The following PIK3C2A variants were observed in gnomAD, a reference collection of about 807,000 sequenced individuals.
PIK3C2A encodes phosphatidylinositol 4-phosphate 3-kinase C2 domain-containing subunit alpha.
In PIK3C2A, 97 loss-of-function variants were observed where a neutral mutation model predicts 204.5. That is an observed-to-expected ratio of 0.47 (90% CI 0.40 to 0.56). The LOEUF (loss-of-function observed/expected upper bound fraction) is 0.56, where lower values mean the gene tolerates loss of function less well. Ranked by LOEUF, PIK3C2A falls within the 20% of genes least tolerant of loss-of-function variation. PIK3C2A has a pLI of 0.00. For missense variants in PIK3C2A, 1,735 were observed against 1,969.2 expected (o/e 0.88, Z 2.25); for synonymous variants, 653 against 664.4 (o/e 0.98, Z 0.26).
In PIK3C2A at chr11:17,134,885, G is replaced by C; in HGVS notation, c.2042C>G (p.Thr681Ser). The C allele has an allele frequency of 1.2e-6, 2 of 1,614,130 alleles. No homozygotes were observed. The highest frequency in any genetic ancestry group is 1.7e-6 in the Non-Finnish European group (2 of 1,179,998). The change falls in exon 11 of 33, where the codon ACT becomes AGT. Residue 681 changes from threonine to serine, a missense_variant. Around this residue, in one of 6 missense-constraint regions of PIK3C2A, gnomAD observed 567 missense variants for 576.0 expected, o/e 0.98. Coordinates refer to ENST00000691414, the MANE Select transcript of PIK3C2A (RefSeq NM_002645.4). ...QSSKSVKEAW[T>S]TTEQLQFTIF... ...AGTAAACTGGAGCTGCTCTGTTGTA[G>C]TCCATGCTTCCTTGACACTCTTGCT...
intron 19 of PIK3C2A, among the ~76,000 whole-genome samples, chr11:17,117,091 T>C (rs1849218457): frequency 6.6e-6 from 1 of 152,176 alleles, no homozygotes; most frequent in Non-Finnish European, 1.5e-5. Context: ...CCATGAAGTG[T>C]CCAGAATATC....
chr11:17,118,738 G>T lies in PIK3C2A; in HGVS notation c.2942C>A (p.Ala981Asp). 6.8e-7 allele frequency: 1 copy of T among 1,462,550 alleles called. No homozygotes were observed. The highest frequency in any genetic ancestry group is 9.5e-7 in the Non-Finnish European group (1 of 1,048,100). The allele number at this position is 1,462,550 out of a possible 1,614,324, so 90.6% of individuals were successfully genotyped here. A position where few individuals can be genotyped will look rare whatever the true frequency, so the allele number is the denominator to read the frequency against. ...LTDLLPQFVQALKYEIYLNSS... is the reference protein window; with the variant it reads ...LTDLLPQFVQDLKYEIYLNSS... ...ATTCAAGTAAATTTCATATTTCAAA[G>T]CCTACAGTAAAAGAAAATAAGAATT... Residue 981 changes from alanine (A) to aspartate (D), a missense_variant and splice_region_variant, in exon 18 of 33, where the codon GCT (alanine) becomes GAT (aspartate). Ala to Asp is a moderately radical substitution (Grantham distance 126). This residue lies in a region of PIK3C2A where 567 missense variants were observed against 576.0 expected (regional missense o/e 0.98). Transcript: ENST00000691414.
Position 17,178,713 on chromosome 11 carries a change from A to ATTTTTT in PIK3C2A, c.-65-8913_-65-8908dup, listed in dbSNP as rs569882194. On this transcript the variant is annotated intron_variant, in intron 1 of 32. Transcript: ENST00000691414. ...GCCACCACACCTGGTTGATTTTTGA[A>ATTTTTT]TTTTTTTTTTTTTTTTTTTTTTTTT... Among the ~76,000 whole-genome samples, 7 of 9,826 alleles carry ATTTTTT rather than the reference A, an allele frequency of 7.1e-4. 3 individuals carry two copies. The highest frequency in any genetic ancestry group is 2.5e-3 in the Admixed American group (2 of 790). 6.4% of individuals were successfully genotyped at this position (9,826 alleles called of 152,430 possible). A position where few individuals can be genotyped will look rare whatever the true frequency, so the allele number is the denominator to read the frequency against.
intron 28 of PIK3C2A, among the ~76,000 whole-genome samples, 169 bp from the exon 29 acceptor site, chr11:17,092,445 T>C (rs1004841250): frequency 2.6e-5 from 4 of 152,120 alleles, no homozygotes; most frequent in African/African-American, 7.2e-5. Context: ...GGCGGGTGGA[T>C]CACTTGAGGT....
chr11:17,124,832 C>G (rs748281341), intron 13 of PIK3C2A, among the ~76,000 whole-genome samples: 1 of 152,044 alleles, frequency 6.6e-6, no homozygotes, highest in Admixed American at 6.6e-5. Context: ...TGATACCAGG[C>G]CTTTTGTTCT....
At chr11:17,173,301 C>T (rs762499009) in intron 1 of PIK3C2A, among the ~76,000 whole-genome samples, 1 of 152,178 alleles carries the variant, frequency 6.6e-6, no homozygotes, top group Non-Finnish European at 1.5e-5. Flanking sequence ...CCATTCCCAT[C>T]CACTCCAGAG....
intron 1 of PIK3C2A, among the ~76,000 whole-genome samples, chr11:17,197,309 C>CG (rs1852195935): frequency 6.6e-6 from 1 of 152,084 alleles, no homozygotes; most frequent in Non-Finnish European, 1.5e-5. Context: ...CATGAGCCAC[C>CG]GCACCTGGCC....
rs1375727360 is a variant in PIK3C2A, at chr11:17,099,898, G to C, written c.4080C>G (p.Pro1360=). ...TTGTAGCTTCTGCGTCTGTAGTTTG[G>C]GGTTGAAGTGCATCTCTAACGTATT... ...DLKYVRDALQ[P]QTTDAEATIF... The change falls in exon 26 of 33, where the codon CCC becomes CCG. Residue 1360 remains proline, a synonymous_variant. Transcript: ENST00000691414. The C allele has an allele frequency of 6.3e-7, 1 of 1,585,762 alleles. No homozygotes were observed.
At chr11:17,120,790 C>T (rs1009343760) in intron 15 of PIK3C2A, among the ~76,000 whole-genome samples, 1 of 152,174 alleles carries the variant, frequency 6.6e-6, no homozygotes, top group Admixed American at 6.5e-5. Context: ...TTAGTACATA[C>T]AGCTATAATC....
At position 17,117,558 on chromosome 11, in the gene PIK3C2A, G is replaced by A. The variant is rs748443830; in HGVS notation, c.3149C>T (p.Thr1050Met). The A allele has an allele frequency of 2.7e-5, 44 of 1,613,668 alleles. No homozygotes were observed. Among genetic ancestry groups the A allele is most frequent in the Admixed American group, 2.7e-4 (16 of 59,990 alleles). The change falls in exon 19 of 33, where the codon ACG becomes ATG. Residue 1050 changes from threonine (T) to methionine (M), a missense_variant. Coordinates refer to ENST00000691414, the MANE Select transcript of PIK3C2A (RefSeq NM_002645.4). ...TCCTCCTAAAAGCTGTACAAGTTTC[G>A]TCTGTTTTAGAAGTTCTTCTCTAAG... ...KRLREELLKQ[T>M]KLVQLLGGVA...
At chr11:17,181,707 C>T (rs575334785) in intron 1 of PIK3C2A, among the ~76,000 whole-genome samples, 131 of 134,408 alleles carry the variant, frequency 9.7e-4, no homozygotes, top group African/African-American at 3.5e-3. Context: ...CACACACACA[C>T]GATTTGATTC....
chr11:17,122,479 A>G, intron 14 of PIK3C2A, 146 bp from the exon 15 acceptor site: 1 of 639,684 alleles, frequency 1.6e-6, no homozygotes, highest in Non-Finnish European at 2.7e-6. Flanking sequence ...GCAATTGATT[A>G]CCATTGTTGG....
intron 1 of PIK3C2A, among the ~76,000 whole-genome samples, chr11:17,172,588 T>C (rs748114832): frequency 3.3e-5 from 5 of 152,246 alleles, no homozygotes; most frequent in South Asian, 2.1e-4. Flanking sequence ...CTTTTTCTTA[T>C]TAGTTTTAGA....
chr11:17,149,316 C>T (rs1389255025), intron 4 of PIK3C2A, among the ~76,000 whole-genome samples: 2 of 151,722 alleles, frequency 1.3e-5, no homozygotes, highest in East Asian at 1.9e-4. Context: ...TATATATATA[C>T]CTACTATGTA....
chr11:17,103,947 T>C (rs911809445), intron 23 of PIK3C2A, among the ~76,000 whole-genome samples: 9 of 152,224 alleles, frequency 5.9e-5, no homozygotes, highest in Non-Finnish European at 1.2e-4. Flanking sequence ...ACTGCTTTTT[T>C]TCCCCAGATC....
At chr11:17,166,913 C>T (rs1850974162) in intron 2 of PIK3C2A, among the ~76,000 whole-genome samples, 1 of 152,156 alleles carries the variant, frequency 6.6e-6, no homozygotes, top group Non-Finnish European at 1.5e-5. Flanking sequence ...AATATGAATC[C>T]AGCAGTGACC....
In PIK3C2A at chr11:17,155,557, C is replaced by T; in HGVS notation, c.1138G>A (p.Glu380Lys). 1 of 1,604,502 alleles carries T rather than the reference C, an allele frequency of 6.2e-7. No homozygotes were observed. Among genetic ancestry groups the T allele is most frequent in the Non-Finnish European group, 8.5e-7 (1 of 1,172,680 alleles). ...ATGGATCGACAAAAAGCTGCCATCT[C>T]CTCATTCTGTACTTCAACTTCTTGA... ...LLQEVEVQNE[E>K]MAAFCRSITK... Residue 380 changes from glutamate to lysine, a missense_variant, in exon 3 of 33, where the codon GAG (glutamate) becomes AAG (lysine). Transcript: ENST00000691414.
intron 1 of PIK3C2A, among the ~76,000 whole-genome samples, chr11:17,198,308 C>A (rs1303735956): frequency 1.3e-5 from 2 of 151,972 alleles, no homozygotes; most frequent in Non-Finnish European, 2.9e-5. Flanking sequence ...CAGGGTTTCA[C>A]CATGTTGGCC....
chr11:17,149,794 TTC>T (rs1590965069), intron 4 of PIK3C2A, among the ~76,000 whole-genome samples: 1 of 152,148 alleles, frequency 6.6e-6, no homozygotes, highest in African/African-American at 2.4e-5. Flanking sequence ...GCTAATGGTT[TTC>T]TGTTTCAGAT....
Sources: gnomAD v4.1 joint callset for allele counts (sites outside exome capture counted in the v4.1 genomes callset) on GRCh38, gnomAD v4.1.1 for gene constraint, gnomAD v4.1.1 regional missense constraint, MANE v1.5 for transcripts, NCBI Gene and HGNC (gene_info 2026-07-23, HGNC 2026-07-21) for gene names.